STK32A: variants seen among roughly 807,000 people sequenced by gnomAD.
STK32A encodes the protein serine/threonine kinase 32A.
STK32A carries 41 observed loss-of-function variants against 53.2 expected under a neutral mutation model. That is an observed-to-expected ratio of 0.77 (90% CI 0.60 to 1.00). The LOEUF is 1.00. STK32A is among the 50% of genes least tolerant of loss of function. STK32A has a pLI of 0.00. For missense variants in STK32A, 458 were observed against 485.8 expected (o/e 0.94, Z 0.54); for synonymous variants, 166 against 162.8 (o/e 1.02, Z -0.15).
At chr5:147,286,172 G>C (rs566667673) in intron 4 of STK32A, among the ~76,000 whole-genome samples, 1 of 152,074 alleles carries the variant, frequency 6.6e-6, no homozygotes, top group East Asian at 1.9e-4. Context: ...CGTAATTCAG[G>C]AATTGAAAAC....
intron 4 of STK32A, among the ~76,000 whole-genome samples, chr5:147,316,858 C>CAA (rs1561714995): frequency 4.7e-5 from 1 of 21,082 alleles, no homozygotes; most frequent in Non-Finnish European, 1.1e-4. Context: ...CTGTTTCTGG[C>CAA]GAAAAAAAAA....
In STK32A at chr5:147,373,242, T is replaced by C; in HGVS notation, c.851T>C (p.Ile284Thr). 6.2e-7 allele frequency: 1 copy of C among 1,613,500 alleles called. No homozygotes were observed. The highest frequency in any genetic ancestry group is 8.5e-7 in the Non-Finnish European group (1 of 1,179,610). Reference sequence around the variant, plus strand: ...CAGAACTTCCCGTATATGAATGATATAAACTGGGATGCAGTTTTTCAGAAG... The same window carrying C: ...CAGAACTTCCCGTATATGAATGATACAAACTGGGATGCAGTTTTTCAGAAG... ...DVQNFPYMND[I>T]NWDAVFQKRL... is the part of the protein sequence containing the mutation. Residue 284 changes from isoleucine (I) to threonine (T), a missense_variant, in exon 10 of 13, where the codon ATA becomes ACA. Transcript: ENST00000397936.
rs180903910 is a variant in STK32A, at chr5:147,305,098, A to C, written c.261-18800A>C. ...GACTCTGCTCTAAAAAACTAAAAAAAAAATTAAAAAAATATATTGAGATTG... is the reference window on the plus strand; with the variant it reads ...GACTCTGCTCTAAAAAACTAAAAAACAAATTAAAAAAATATATTGAGATTG... On this transcript the variant is annotated intron_variant, in intron 4 of 12. Transcript: ENST00000397936. Among the ~76,000 whole-genome samples the C allele has an allele frequency of 4.3e-3, 650 of 152,278 alleles. 1 individual carries two copies. Among genetic ancestry groups the C allele is most frequent in the Non-Finnish European group, 6.8e-3 (460 of 68,014 alleles).
chr5:147,340,842 T>G (rs934007639), intron 5 of STK32A, among the ~76,000 whole-genome samples: 11 of 152,222 alleles, frequency 7.2e-5, no homozygotes, highest in Non-Finnish European at 1.5e-4. Flanking sequence ...TCATTTATCT[T>G]TAGGTTTTCT....
intron 4 of STK32A, among the ~76,000 whole-genome samples, chr5:147,309,650 CTT>C: frequency 6.6e-6 from 1 of 152,216 alleles, no homozygotes; most frequent in East Asian, 1.9e-4. Flanking sequence ...CTTGGGGAAA[CTT>C]AAAGAATCGT....
intron 4 of STK32A, among the ~76,000 whole-genome samples, chr5:147,304,021 C>T (rs1391594087): frequency 6.6e-6 from 1 of 152,168 alleles, no homozygotes; most frequent in Non-Finnish European, 1.5e-5. Context: ...TCAAAAGAAA[C>T]TCACTGGATG....
At chr5:147,397,209 T>C in the STK32A span, among the ~76,000 whole-genome samples, 10 of 136,406 alleles carry the variant, frequency 7.3e-5, no homozygotes, top group African/African-American at 2.9e-4. Flanking sequence ...TCTCTGTGTG[T>C]GTTTATATAT....
Position 147,333,657 on chromosome 5 carries a change from T to C in STK32A, c.435-9349T>C, listed in dbSNP as rs73797654. ...TACAGTCTTAAATAAAAACATTCAA[T>C]AAATTCTAGCTACTCATTTATATTA... On this transcript the variant is annotated intron_variant, in intron 5 of 12. Coordinates refer to ENST00000397936, the MANE Select transcript of STK32A (RefSeq NM_001112724.2). 8.2e-3 allele frequency among the ~76,000 whole-genome samples: 1,253 copies of C among 152,296 alleles called. 20 individuals are homozygous for C. The highest frequency in any genetic ancestry group is 0.029 in the African/African-American group (1,210 of 41,574).
At chr5:147,268,630 T>C (rs1423186550) in intron 2 of STK32A, among the ~76,000 whole-genome samples, 1 of 152,170 alleles carries the variant, frequency 6.6e-6, no homozygotes, top group East Asian at 1.9e-4. Flanking sequence ...GTGCTGATCT[T>C]TTTTCTCTAC....
intron 4 of STK32A, among the ~76,000 whole-genome samples, chr5:147,323,181 G>A (rs543877190): frequency 6.6e-5 from 10 of 152,322 alleles, no homozygotes; most frequent in Non-Finnish European, 1.3e-4. Flanking sequence ...CGTGAGGAAG[G>A]ACTGGGGTCA....
chr5:147,362,021 T>G (rs1756528274), intron 8 of STK32A, among the ~76,000 whole-genome samples: 1 of 152,204 alleles, frequency 6.6e-6, no homozygotes, highest in Non-Finnish European at 1.5e-5. Context: ...ATTCATGCTC[T>G]GTCTTGTTGG....
chr5:147,373,271 C>T lies in STK32A; in HGVS notation c.880C>T (p.Leu294Phe), dbSNP rs1757082781. ...INWDAVFQKR[L>F]IPGFIPNKGR... ...CTGGGATGCAGTTTTTCAGAAGAGG[C>T]TCATTCCAGGTTTCATTCCTAATGT... The change falls in exon 10 of 13, where the codon CTC becomes TTC. Residue 294 changes from leucine (L) to phenylalanine (F), a missense_variant. By Grantham distance (22) the Leu-to-Phe change is conservative. Coordinates refer to ENST00000397936, the MANE Select transcript of STK32A (RefSeq NM_001112724.2). The T allele has an allele frequency of 1.9e-6, 3 of 1,613,226 alleles. No individual in the cohort carries two copies. The highest frequency in any genetic ancestry group is 2.5e-6 in the Non-Finnish European group (3 of 1,179,550).
intron 4 of STK32A, among the ~76,000 whole-genome samples, chr5:147,291,727 A>C (rs1234751208): frequency 1.3e-5 from 2 of 152,156 alleles, no homozygotes; most frequent in African/African-American, 4.8e-5. Context: ...CTAGAAAACA[A>C]TGGTCAGGGC....
At chr5:147,380,606 C>CT (rs929573267) in intron 11 of STK32A, among the ~76,000 whole-genome samples, 2 of 152,116 alleles carry the variant, frequency 1.3e-5, no homozygotes, top group Non-Finnish European at 2.9e-5. Context: ...TGGTAATCAT[C>CT]TTTTTTTGAG....
At chr5:147,257,957 T>C (rs546770649) in intron 2 of STK32A, among the ~76,000 whole-genome samples, 59 of 152,130 alleles carry the variant, frequency 3.9e-4, no homozygotes, top group African/African-American at 1.4e-3. Flanking sequence ...CACCTATTTT[T>C]ATTAGATTTT....
chr5:147,398,598 T>C, the STK32A span, among the ~76,000 whole-genome samples: 286 of 152,376 alleles, frequency 1.9e-3, 1 homozygote, highest in South Asian at 5.6e-3. Flanking sequence ...TCATCCTCCA[T>C]GTGAAACTCA....
intron 2 of STK32A, among the ~76,000 whole-genome samples, chr5:147,245,849 A>G (rs766166031): frequency 3.2e-4 from 49 of 152,324 alleles, no homozygotes; most frequent in South Asian, 8.3e-4. Context: ...CTCCTAGGAT[A>G]TGTGGCTGTT....
chr5:147,256,797 C>T (rs1754256059), intron 2 of STK32A, among the ~76,000 whole-genome samples: 1 of 152,146 alleles, frequency 6.6e-6, no homozygotes, highest in Non-Finnish European at 1.5e-5. Flanking sequence ...CAGGCGTGAG[C>T]CACCGAGCCT....
At chr5:147,383,847 T>C in intron 12 of STK32A, 43 bp from the exon 13 acceptor site, 2 of 1,370,018 alleles carry the variant, frequency 1.5e-6, no homozygotes, top group East Asian at 2.5e-5. Flanking sequence ...TTCATTTTAT[T>C]TTTCAAAGAA....
Sources: gnomAD v4.1 joint callset for allele counts (sites outside exome capture counted in the v4.1 genomes callset) on GRCh38, gnomAD v4.1.1 for gene constraint, MANE v1.5 for transcripts, NCBI Gene and HGNC (gene_info 2026-07-23, HGNC 2026-07-21) for gene names.